The following ABI3BP variants were observed in gnomAD, a reference collection of about 807,000 sequenced individuals.
ABI3BP encodes ABI family member 3 binding protein.
A neutral mutation model predicts 268.6 loss-of-function variants in ABI3BP; 216 were observed. That is an observed-to-expected ratio of 0.80 (90% confidence interval 0.72 to 0.90). The LOEUF (loss-of-function observed/expected upper bound fraction) is 0.90, where lower values mean the gene tolerates loss of function less well. ABI3BP is among the 40% of genes least tolerant of loss of function. ABI3BP has a pLI of 0.00. For synonymous variants in ABI3BP, 730 were observed against 730.0 expected (o/e 1.00, Z 0.00); for missense variants, 2,090 against 2,182.4 (o/e 0.96, Z 0.84).
At position 100,749,457 on chromosome 3, in the gene ABI3BP, C is replaced by A. The variant is rs1237325034; in HGVS notation, c.*1038G>T. 1 of 392,836 alleles carries A rather than the reference C, an allele frequency of 2.5e-6. No individual in the cohort carries two copies. Among genetic ancestry groups the A allele is most frequent in the African/African-American group, 2.1e-5 (1 of 48,478 alleles). 24.3% of individuals were successfully genotyped at this position (392,836 alleles called of 1,614,324 possible). A position where few individuals can be genotyped will look rare whatever the true frequency, so the allele number is the denominator to read the frequency against. ...ACAGGGAAAGGTCCTTTCAGAATGA[C>A]TGCAACAGTGCAGCAAGGATTCCCA... On this transcript the variant is annotated 3_prime_UTR_variant, in exon 68 of 68. Transcript: ENST00000471714.
At chr3:100,830,110 C>CATATATATATATAT (rs559297681) in intron 32 of ABI3BP, among the ~76,000 whole-genome samples, 13 of 44,738 alleles carry the variant, frequency 2.9e-4, no homozygotes, top group African/African-American at 4.9e-4. Flanking sequence ...TACATACATA[C>CATATATATATATAT]ATATATATAT....
In ABI3BP at chr3:100,898,806, G is replaced by T; in HGVS notation, c.417C>A (p.Asn139Lys). The T allele has an allele frequency of 6.2e-7, 1 of 1,613,792 alleles. No individual in the cohort carries two copies. The highest frequency in any genetic ancestry group is 8.5e-7 in the Non-Finnish European group (1 of 1,179,756). Reference sequence around the variant, plus strand: ...TTGGCAATGTCCAGTCATGGTGTGGGTTGATGAGGAAACCCCAGGACAGGA... The same window carrying T: ...TTGGCAATGTCCAGTCATGGTGTGGTTTGATGAGGAAACCCCAGGACAGGA... ...SVFLSWGFLI[N>K]PHHDWTLPSH... The change falls in exon 4 of 68, where the codon AAC becomes AAA. Residue 139 changes from asparagine (N) to lysine (K), a missense_variant. Coordinates refer to ENST00000471714, the MANE Select transcript of ABI3BP (RefSeq NM_001375547.2).
At chr3:100,976,316 T>C (rs2086179010) in intron 1 of ABI3BP, among the ~76,000 whole-genome samples, 1 of 152,138 alleles carries the variant, frequency 6.6e-6, no homozygotes, top group African/African-American at 2.4e-5. Flanking sequence ...AAGCTTTTTC[T>C]TTTTTTGATA....
At chr3:100,872,589 C>A (rs1424247075) in intron 9 of ABI3BP, among the ~76,000 whole-genome samples, 1 of 152,122 alleles carries the variant, frequency 6.6e-6, no homozygotes, top group African/African-American at 2.4e-5. Flanking sequence ...ATGAGATTGG[C>A]CAGCTCCTTT....
intron 9 of ABI3BP, among the ~76,000 whole-genome samples, chr3:100,871,840 A>C (rs1277517713): frequency 6.6e-6 from 1 of 152,176 alleles, no homozygotes; most frequent in Non-Finnish European, 1.5e-5. Flanking sequence ...TTTTATTATT[A>C]GCATCATACT....
rs577143902 is a variant in ABI3BP at position 100,805,616 on chromosome 3, A to C, written c.3683-750T>G. ...CTCCTCTTTAAAGCTGAGGAAACAG[A>C]GATTCGGGTGTGTGACATAATCTGC... is the stretch of plus-strand genomic sequence containing the variant. On this transcript the variant is annotated intron_variant, in intron 50 of 67. Transcript: ENST00000471714. Among the ~76,000 whole-genome samples the C allele has an allele frequency of 1.1e-4, 17 of 152,166 alleles. No homozygotes were observed. In the East Asian group the frequency reaches 3.3e-3, roughly 29 times the overall value.
intron 1 of ABI3BP, among the ~76,000 whole-genome samples, chr3:100,947,364 C>T (rs1189723124): frequency 6.6e-6 from 1 of 152,050 alleles, no homozygotes; most frequent in Non-Finnish European, 1.5e-5. Context: ...AATTTTATAA[C>T]ATTTAGCCAA....
chr3:100,931,758 T>C (rs556016257), intron 1 of ABI3BP, among the ~76,000 whole-genome samples: 4 of 152,158 alleles, frequency 2.6e-5, no homozygotes, highest in Non-Finnish European at 4.4e-5. Context: ...AGAATCAATA[T>C]TGGTAAAATG....
At chr3:100,862,416 G>T (rs2153167805) in intron 13 of ABI3BP, 31 bp from the exon 14 acceptor site, 1 of 1,443,676 alleles carries the variant, frequency 6.9e-7, no homozygotes. Context: ...ATTTGCTGAA[G>T]ATTTTTTTTT....
At chr3:100,824,224 G>A (rs73135557) in intron 36 of ABI3BP, among the ~76,000 whole-genome samples, 21,414 of 152,032 alleles carry the variant, frequency 0.14, 1,954 homozygotes, top group South Asian at 0.27. Flanking sequence ...ATCAACAGTC[G>A]TATATGACCA....
intron 1 of ABI3BP, among the ~76,000 whole-genome samples, chr3:100,956,829 T>G (rs532950623): frequency 6.6e-6 from 1 of 152,162 alleles, no homozygotes; most frequent in African/African-American, 2.4e-5. Context: ...GGAAGAACAT[T>G]CTAGGCTGAA....
At chr3:100,786,339 G>A (rs1188834266) in intron 57 of ABI3BP, among the ~76,000 whole-genome samples, 2 of 152,010 alleles carry the variant, frequency 1.3e-5, no homozygotes, top group African/African-American at 4.8e-5. Flanking sequence ...AAGCTAAGTT[G>A]GATACATTAT....
In ABI3BP at chr3:100,984,574, G is replaced by T. The variant is rs76193718; in HGVS notation, c.79+8732C>A. 5.1e-3 allele frequency among the ~76,000 whole-genome samples: 784 copies of T among 152,246 alleles called. 7 individuals carry two copies. The highest frequency in any genetic ancestry group is 0.018 in the African/African-American group (747 of 41,532). On this transcript the variant is annotated intron_variant, in intron 1 of 67. Transcript: ENST00000471714. ...GGAACATTAGCTGATTTCATAGCAT[G>T]TGTACTGACAGGCCTTAAATGTTCA...
chr3:100,756,545 CAAAA>C (rs930797286), intron 63 of ABI3BP, among the ~76,000 whole-genome samples: 4 of 151,790 alleles, frequency 2.6e-5, no homozygotes, highest in Non-Finnish European at 4.4e-5. Context: ...CAAAACAAAA[CAAAA>C]AAGCCCATAG....
rs1472712432 is a variant in ABI3BP, at chr3:100,958,943, CA to C, written c.80-32463del. Among the ~76,000 whole-genome samples the C allele has an allele frequency of 3.3e-5, 5 of 152,120 alleles. 1 individual carries two copies. The highest frequency in any genetic ancestry group is 1.2e-4 in the African/African-American group (5 of 41,406). On this transcript the variant is annotated intron_variant, in intron 1 of 67. Transcript: ENST00000471714. Reference sequence around the variant, plus strand: ...GCAAGAGAGTTCTGAGAATGCCTCCCATGGACATTCTCAAAACCACCCAGAT... The same window carrying C: ...GCAAGAGAGTTCTGAGAATGCCTCCCTGGACATTCTCAAAACCACCCAGAT...
rs563189261 is a variant in ABI3BP, at chr3:100,955,007, C to T, written c.80-28526G>A. ...TTTTTTTTTTTTTTTTTTTACGAAT[C>T]ATAAAGCTCAACTGGCAAGAGATTG... On this transcript the variant is annotated intron_variant, in intron 1 of 67. Coordinates refer to ENST00000471714, the MANE Select transcript of ABI3BP (RefSeq NM_001375547.2). Among the ~76,000 whole-genome samples, 59 of 80,806 alleles carry T rather than the reference C, an allele frequency of 7.3e-4. 1 individual carries two copies. Among genetic ancestry groups the T allele is most frequent in the African/African-American group, 2.8e-3 (56 of 20,358 alleles). 53.0% of individuals were successfully genotyped at this position (80,806 alleles called of 152,430 possible). A position where few individuals can be genotyped will look rare whatever the true frequency, so the allele number is the denominator to read the frequency against.
chr3:100,766,890 A>G (rs1163122522), intron 62 of ABI3BP, among the ~76,000 whole-genome samples: 1 of 152,238 alleles, frequency 6.6e-6, no homozygotes, highest in Non-Finnish European at 1.5e-5. Context: ...AGATCTGGCA[A>G]GTTATATTAG....
At chr3:100,862,968 T>C (rs2099014200) in intron 12 of ABI3BP, 59 bp from the exon 13 acceptor site, 4 of 1,322,802 alleles carry the variant, frequency 3.0e-6, no homozygotes, top group Middle Eastern at 3.6e-4. Flanking sequence ...GGAAAGATTT[T>C]TAAAATTTTA....
At chr3:100,836,976 A>C (rs1162131001) in intron 27 of ABI3BP, 148 bp downstream of exon 27, 5 of 686,330 alleles carry the variant, frequency 7.3e-6, no homozygotes, top group Non-Finnish European at 1.2e-5. Context: ...AATGATGTTA[A>C]AAAGGCCCCT....
Sources: gnomAD v4.1 joint callset for allele counts (sites outside exome capture counted in the v4.1 genomes callset) on GRCh38, gnomAD v4.1.1 for gene constraint, MANE v1.5 for transcripts, NCBI Gene and HGNC (gene_info 2026-07-23, HGNC 2026-07-21) for gene names.